LEPR: variants seen among roughly 807,000 people sequenced by gnomAD.
LEPR encodes the protein OB receptor.
A neutral mutation model predicts 114.7 loss-of-function variants in LEPR; 56 were observed. The ratio of observed to expected loss-of-function variants is 0.49; its 90% CI spans 0.39 to 0.61. LEPR has a LOEUF of 0.61. LEPR is among the 20% of genes least tolerant of loss of function. The pLI is 0.00. For synonymous variants in LEPR, 443 were observed against 461.4 expected, an observed-to-expected ratio of 0.96 and a Z score of 0.51; for missense variants, 1,202 against 1,352.9, an observed-to-expected ratio of 0.89 and a Z score of 1.75.
intron 2 of LEPR, among the ~76,000 whole-genome samples, chr1:65,544,859 G>A (rs1388492013): frequency 1.3e-5 from 2 of 150,614 alleles, no homozygotes; most frequent in African/African-American, 2.5e-5. Flanking sequence ...ACAATGTGCA[G>A]GTTAGTTACA....
chr1:65,634,509 C>T, intron 19 of LEPR: 1 of 941,544 alleles, frequency 1.1e-6, no homozygotes, highest in Non-Finnish European at 1.3e-6. Context: ...TTATAACTCA[C>T]TGACAAAACA....
chr1:65,496,995 T>TAC (rs1648195040), intron 2 of LEPR, among the ~76,000 whole-genome samples: 1 of 151,738 alleles, frequency 6.6e-6, no homozygotes, highest in South Asian at 2.1e-4. Flanking sequence ...TACATATATA[T>TAC]ATATATACAC....
At chr1:65,432,450 A>C in intron 2 of LEPR, 2 of 628,412 alleles carry the variant, frequency 3.2e-6, no homozygotes, top group East Asian at 2.7e-4. Context: ...AAGGAGTTGT[A>C]TGCACATGAA....
chr1:65,635,246 CTTAAT>C (rs1658677353), intron 19 of LEPR: 1 of 979,386 alleles, frequency 1.0e-6, no homozygotes, highest in Non-Finnish European at 1.2e-6. Context: ...TTCTATAGCC[CTTAAT>C]TTAGTTGTGT....
chr1:65,438,423 G>T (rs1000178187), intron 2 of LEPR, among the ~76,000 whole-genome samples: 15 of 151,898 alleles, frequency 9.9e-5, no homozygotes, highest in Middle Eastern at 3.4e-3. Flanking sequence ...GGTGGCTCAC[G>T]CGTGTAGTCC....
chr1:65,464,583 T>G (rs1646986270), intron 2 of LEPR, among the ~76,000 whole-genome samples: 1 of 152,212 alleles, frequency 6.6e-6, no homozygotes, highest in Non-Finnish European at 1.5e-5. Flanking sequence ...TTGATTGAAA[T>G]AGTTTCAGAA....
chr1:65,442,633 T>G (rs755772713), intron 2 of LEPR, among the ~76,000 whole-genome samples: 6 of 152,208 alleles, frequency 3.9e-5, no homozygotes, highest in African/African-American at 9.7e-5. Context: ...TGTTTCTTGA[T>G]CTAATGATGA....
rs1431214462 is a variant in LEPR at position 65,488,198 on chromosome 1, T to C, written c.-21+62820T>C. ...TTTCTTTCTTTCTTTCTTTCTTTCT[T>C]TCTTTCTTTCTTTCTCTCTCTCTCT... On this transcript the variant is annotated intron_variant, in intron 2 of 19. Coordinates refer to ENST00000349533, the MANE Select transcript of LEPR (RefSeq NM_002303.6). 1.0e-3 allele frequency among the ~76,000 whole-genome samples: 25 copies of C among 24,628 alleles called. 2 individuals carry two copies. The highest frequency in any genetic ancestry group is 7.9e-3 in the East Asian group (13 of 1,648). The allele number at this position is 24,628 out of a possible 152,430, so 16.2% of individuals were successfully genotyped here. A position where few individuals can be genotyped will look rare whatever the true frequency, so the allele number is the denominator to read the frequency against.
intron 2 of LEPR, among the ~76,000 whole-genome samples, chr1:65,521,868 G>T (rs1224237219): frequency 1.3e-5 from 2 of 152,098 alleles, no homozygotes; most frequent in Non-Finnish European, 2.9e-5. Flanking sequence ...GGGAGGTTGA[G>T]GCGGGCGGAT....
Position 65,488,217 on chromosome 1 carries a change from TC to T in LEPR, c.-21+62840del, listed in dbSNP as rs752765146. Among the ~76,000 whole-genome samples the T allele has an allele frequency of 8.9e-3, 515 of 57,910 alleles. 13 individuals carry two copies. Among genetic ancestry groups the T allele is most frequent in the Admixed American group, 0.021 (113 of 5,256 alleles). The allele number at this position is 57,910 out of a possible 152,430, so 38.0% of individuals were successfully genotyped here. ...CTTTCTTTCTTTCTTTCTTTCTCTC[TC>T]TCTCTCTCTCTTTCTTTCTTTCTTT... On this transcript the variant is annotated intron_variant, in intron 2 of 19. Transcript: ENST00000349533.
intron 2 of LEPR, among the ~76,000 whole-genome samples, chr1:65,459,493 T>C (rs1490847992): frequency 6.6e-6 from 1 of 152,176 alleles, no homozygotes; most frequent in Admixed American, 6.5e-5. Flanking sequence ...CTGGCAGCTA[T>C]GTGCAGCAAG....
At chr1:65,551,854 T>A (rs887146583) in intron 2 of LEPR, among the ~76,000 whole-genome samples, 1 of 152,208 alleles carries the variant, frequency 6.6e-6, no homozygotes, top group African/African-American at 2.4e-5. Flanking sequence ...GTGCTATAAA[T>A]TTCCCTCTAA....
chr1:65,565,219 C>A (rs572561428), intron 2 of LEPR, among the ~76,000 whole-genome samples: 2 of 152,288 alleles, frequency 1.3e-5, no homozygotes, highest in African/African-American at 2.4e-5. Flanking sequence ...TTAGCTGTTA[C>A]ATATTTTATC....
intron 2 of LEPR, among the ~76,000 whole-genome samples, chr1:65,509,639 G>A (rs1363075960): frequency 6.6e-6 from 1 of 152,056 alleles, no homozygotes; most frequent in Non-Finnish European, 1.5e-5. Context: ...ATTCTTCTGT[G>A]TTGGGAATAT....
intron 2 of LEPR, among the ~76,000 whole-genome samples, chr1:65,503,432 C>G (rs1057070128): frequency 3.3e-5 from 5 of 151,992 alleles, no homozygotes; most frequent in Admixed American, 3.3e-4. Flanking sequence ...AAGTTGCTAG[C>G]CTGAATAACT....
intron 16 of LEPR, among the ~76,000 whole-genome samples, chr1:65,619,441 C>T (rs895049128): frequency 2.0e-5 from 3 of 152,044 alleles, no homozygotes; most frequent in Admixed American, 1.3e-4. Flanking sequence ...CAAGGGGTCT[C>T]GTGGTCTCCA....
chr1:65,507,550 TAC>T (rs765367724), intron 2 of LEPR, among the ~76,000 whole-genome samples: 5 of 146,850 alleles, frequency 3.4e-5, no homozygotes, highest in East Asian at 3.9e-4. Context: ...TATATATATA[TAC>T]ACACACACAC....
chr1:65,529,895 T>A (rs1650265199), intron 2 of LEPR, among the ~76,000 whole-genome samples: 2 of 152,208 alleles, frequency 1.3e-5, no homozygotes, highest in South Asian at 4.1e-4. Context: ...TCCTCTTTTC[T>A]TAGAGGTTTT....
intron 2 of LEPR, among the ~76,000 whole-genome samples, chr1:65,531,932 G>A (rs538737320): frequency 3.4e-4 from 52 of 152,266 alleles, no homozygotes; most frequent in Middle Eastern, 3.4e-3. Flanking sequence ...AGGACTTGCA[G>A]ACTTCAACTT....
Sources: gnomAD v4.1 joint callset for allele counts (sites outside exome capture counted in the v4.1 genomes callset) on GRCh38, gnomAD v4.1.1 for gene constraint, MANE v1.5 for transcripts, NCBI Gene and HGNC (gene_info 2026-07-23, HGNC 2026-07-21) for gene names.